ACTN1: variants seen among roughly 807,000 people sequenced by gnomAD.
ACTN1 encodes actinin alpha 1.
ACTN1 carries 30 observed loss-of-function variants against 119.6 expected under a neutral mutation model. The ratio of observed to expected loss-of-function variants is 0.25; its 90% CI spans 0.19 to 0.34. The LOEUF is 0.34. Among genes scored for constraint, ACTN1 ranks in the 10% least tolerant of loss-of-function variants. The pLI is 1.00. For missense variants in ACTN1, 764 were observed against 1,223.4 expected (o/e 0.62, Z 5.60); for synonymous variants, 429 against 472.6 (o/e 0.91, Z 1.20).
chr14:68,878,328 GC>G lies in ACTN1; in HGVS notation c.2427+129del. The G allele has an allele frequency of 7.5e-7, 1 of 1,337,456 alleles. No homozygotes were observed. The highest frequency in any genetic ancestry group is 1.0e-6 in the Non-Finnish European group (1 of 1,004,876). The allele number at this position is 1,337,456 out of a possible 1,614,324, so 82.8% of individuals were successfully genotyped here. Reference sequence around the variant, plus strand: ...GGAGCCATCTTCCCCAAGGACATGGGCCCTGGGGCTCCTCCAGGGAGGGCAG... The same window carrying G: ...GGAGCCATCTTCCCCAAGGACATGGGCCTGGGGCTCCTCCAGGGAGGGCAG... On this transcript the variant is annotated intron_variant, in intron 20 of 21. Transcript: ENST00000394419. This position sits in a 1 kb window ranked among gnomAD's most constrained non-coding sequence, Gnocchi z 4.4.
chr14:68,971,560 C>CATGTT (rs2036886382), intron 1 of ACTN1, among the ~76,000 whole-genome samples: 1 of 152,236 alleles, frequency 6.6e-6, no homozygotes, highest in South Asian at 2.1e-4. Flanking sequence ...CGGCTGTGAA[C>CATGTT]ATGTTGTTCT....
In ACTN1 at chr14:68,961,061, C is replaced by T. The variant is rs538168161; in HGVS notation, c.105+17891G>A. Among the ~76,000 whole-genome samples the T allele has an allele frequency of 2.6e-5, 4 of 152,270 alleles. No homozygotes were observed. In the South Asian group the frequency reaches 8.3e-4, roughly 32 times the overall value. On this transcript the variant is annotated intron_variant, in intron 1 of 21. Transcript: ENST00000394419. ...CGCCAGCCTGGGTAACAGAGTGAGA[C>T]CCTGTCTCTAAAACGAAATAACAAA...
chr14:68,918,731 T>TG (rs1555352318), intron 3 of ACTN1, among the ~76,000 whole-genome samples: 1 of 144,624 alleles, frequency 6.9e-6, no homozygotes, highest in East Asian at 2.0e-4. Flanking sequence ...CCATCTCTAC[T>TG]AAAAAAAAAA....
chr14:68,966,306 G>A (rs1369827425), intron 1 of ACTN1, among the ~76,000 whole-genome samples: 1 of 152,114 alleles, frequency 6.6e-6, no homozygotes, highest in African/African-American at 2.4e-5. Context: ...CAGAATGTTG[G>A]CATCACCGCA....
chr14:68,923,735 T>C (rs903433467), intron 2 of ACTN1, among the ~76,000 whole-genome samples: 1 of 152,106 alleles, frequency 6.6e-6, no homozygotes, highest in African/African-American at 2.4e-5. Flanking sequence ...CCATGTGACC[T>C]AGCAGTTCCA....
At position 68,874,850 on chromosome 14, in the gene ACTN1, C is replaced by G; in HGVS notation, c.*9G>C. The G allele has an allele frequency of 2.6e-6, 4 of 1,562,956 alleles. No homozygotes were observed. The highest frequency in any genetic ancestry group is 3.5e-6 in the Non-Finnish European group (4 of 1,147,266). ...GGCGCACAAGACGAGGGCGGCCGGGCGGGGTGGATTAGAGGTCACTCTCGC... is the reference window on the plus strand; with the variant it reads ...GGCGCACAAGACGAGGGCGGCCGGGGGGGGTGGATTAGAGGTCACTCTCGC... On this transcript the variant is annotated 3_prime_UTR_variant, in exon 22 of 22. Transcript: ENST00000394419.
Position 68,910,040 on chromosome 14 carries a change from T to C in ACTN1, c.430A>G (p.Thr144Ala). 6.2e-7 allele frequency: 1 copy of C among 1,613,338 alleles called. No individual in the cohort carries two copies. The highest frequency in any genetic ancestry group is 1.7e-5 in the Admixed American group (1 of 59,970). Residue 144 changes from threonine to alanine, a missense_variant and splice_region_variant, in exon 5 of 22, where the codon ACT becomes GCT. Thr to Ala is a moderately conservative substitution (Grantham distance 58). This residue lies in a region of ACTN1 where 54 missense variants were observed against 153.2 expected (regional missense o/e 0.35). Coordinates refer to ENST00000394419, the MANE Select transcript of ACTN1 (RefSeq NM_001130004.2). ...FAIQDISVEE[T>A]SAKEGLLLWC... ...AGGAGCAGCCCTTCCTTGGCTGAAG[T>C]CTCTATGGGGAAGGGGATGGGCAGC...
chr14:68,972,072 G>C (rs988734097), intron 1 of ACTN1, among the ~76,000 whole-genome samples: 2 of 152,126 alleles, frequency 1.3e-5, no homozygotes, highest in Non-Finnish European at 2.9e-5. Context: ...CACACGGAGA[G>C]AAGCAATCCC....
At chr14:68,930,688 A>G (rs943236137) in intron 1 of ACTN1, among the ~76,000 whole-genome samples, 5 of 152,208 alleles carry the variant, frequency 3.3e-5, no homozygotes, top group Non-Finnish European at 7.3e-5. Context: ...TAAACCCTGG[A>G]CAAGTGACTT....
At chr14:68,973,431 G>A (rs968495188) in intron 1 of ACTN1, among the ~76,000 whole-genome samples, 15 of 152,116 alleles carry the variant, frequency 9.9e-5, no homozygotes, top group Admixed American at 2.0e-4. Context: ...CCCCACCTTC[G>A]CTCTGCACTT....
At chr14:68,950,972 G>A (rs1424067842) in intron 1 of ACTN1, among the ~76,000 whole-genome samples, 1 of 152,172 alleles carries the variant, frequency 6.6e-6, no homozygotes, top group Non-Finnish European at 1.5e-5. Context: ...GTTAGAGGGG[G>A]GCAATGTTAT....
intron 8 of ACTN1, among the ~76,000 whole-genome samples, chr14:68,898,003 C>T (rs1038718457): frequency 3.9e-5 from 6 of 152,278 alleles, no homozygotes; most frequent in African/African-American, 1.4e-4. Flanking sequence ...CCCCCACAGA[C>T]CTCATGTTCA....
chr14:68,925,714 T>C lies in ACTN1; in HGVS notation c.106-42A>G, dbSNP rs765352842. 6.5e-7 allele frequency: 1 copy of C among 1,534,498 alleles called. No homozygotes were observed. Among genetic ancestry groups the C allele is most frequent in the South Asian group, 1.2e-5 (1 of 86,938 alleles). The stretch of plus-strand genomic sequence containing the variant: ...AGGGCAAGTGGTCAGGGGGCTGGTG[T>C]TGTCACCCTCATTGGACAAGCCATT... On this transcript the variant is annotated intron_variant, in intron 1 of 21. Coordinates refer to ENST00000394419, the MANE Select transcript of ACTN1 (RefSeq NM_001130004.2). This position sits in a 1 kb window ranked among gnomAD's most constrained non-coding sequence, Gnocchi z 4.3.
At chr14:68,944,804 A>C (rs1231201635) in intron 1 of ACTN1, among the ~76,000 whole-genome samples, 1 of 152,128 alleles carries the variant, frequency 6.6e-6, no homozygotes, top group African/African-American at 2.4e-5. Context: ...CAGGGGGTCT[A>C]CTAATAATTA....
intron 1 of ACTN1, among the ~76,000 whole-genome samples, chr14:68,965,529 G>A (rs1488105439): frequency 1.3e-5 from 2 of 152,164 alleles, no homozygotes; most frequent in Non-Finnish European, 2.9e-5. Context: ...CAATTCTCCT[G>A]AGCCACCTCC....
intron 1 of ACTN1, among the ~76,000 whole-genome samples, chr14:68,932,494 C>T (rs1341556742): frequency 6.7e-6 from 1 of 148,652 alleles, no homozygotes; most frequent in Non-Finnish European, 1.5e-5. Context: ...CTCTAGAGAA[C>T]CCTGACTAAT....
At chr14:68,910,109 C>G in intron 4 of ACTN1, 67 bp from the exon 5 acceptor site, 1 of 1,362,264 alleles carries the variant, frequency 7.3e-7, no homozygotes, top group Non-Finnish European at 1.0e-6. Flanking sequence ...TGCCGGCTCA[C>G]AGGAGGCCCC....
intron 1 of ACTN1, among the ~76,000 whole-genome samples, chr14:68,944,858 C>T (rs2035883718): frequency 1.3e-5 from 2 of 151,906 alleles, no homozygotes; most frequent in South Asian, 4.1e-4. Flanking sequence ...TCACCCTACA[C>T]GTGTGTGGGG....
At chr14:68,975,031 A>G (rs1262865544) in intron 1 of ACTN1, among the ~76,000 whole-genome samples, 1 of 152,206 alleles carries the variant, frequency 6.6e-6, no homozygotes, top group Non-Finnish European at 1.5e-5. Context: ...GGGGTGTCCA[A>G]GTCCGACACA....
Sources: gnomAD v4.1 joint callset for allele counts (sites outside exome capture counted in the v4.1 genomes callset) on GRCh38, gnomAD v4.1.1 for gene constraint, gnomAD v4.1.1 regional missense constraint, Gnocchi (gnomAD v3.1) non-coding constraint, MANE v1.5 for transcripts, NCBI Gene and HGNC (gene_info 2026-07-23, HGNC 2026-07-21) for gene names.